ARHGEF38: variants seen among roughly 807,000 people sequenced by gnomAD.
ARHGEF38 encodes the protein Rho guanine nucleotide exchange factor (GEF) 38.
ARHGEF38 carries 79 observed loss-of-function variants against 79.9 expected under a neutral mutation model. That is an observed-to-expected ratio of 0.99 (90% CI 0.82 to 1.19). The LOEUF (loss-of-function observed/expected upper bound fraction) is 1.19. ARHGEF38 is among the 50% of genes most tolerant of loss of function. ARHGEF38 has a pLI of 0.00. For synonymous variants in ARHGEF38, 366 were observed against 328.3 expected (o/e 1.11, Z -1.24); for missense variants, 962 against 907.2 (o/e 1.06, Z -0.78).
chr4:105,653,512 G>A (rs1006565575), intron 7 of ARHGEF38, among the ~76,000 whole-genome samples: 8 of 152,070 alleles, frequency 5.3e-5, no homozygotes, highest in East Asian at 3.9e-4. Flanking sequence ...TAGTAGATAC[G>A]GGGTTTCACC....
intron 1 of ARHGEF38, among the ~76,000 whole-genome samples, chr4:105,566,582 T>A (rs1725899641): frequency 6.6e-6 from 1 of 152,262 alleles, no homozygotes; most frequent in Non-Finnish European, 1.5e-5. Context: ...TATACTCTCT[T>A]AGATATTTTG....
chr4:105,599,260 A>G (rs1026858269), intron 2 of ARHGEF38, among the ~76,000 whole-genome samples: 2 of 152,126 alleles, frequency 1.3e-5, no homozygotes, highest in African/African-American at 2.4e-5. Flanking sequence ...TTACATTTAT[A>G]AGCACCTCCT....
rs200502099 is a variant in ARHGEF38 at position 105,680,860 on chromosome 4, A to G, written c.*2923A>G. On this transcript the variant is annotated 3_prime_UTR_variant, in exon 14 of 14. Coordinates refer to ENST00000420470, the MANE Select transcript of ARHGEF38 (RefSeq NM_001242729.2). ...AGCACGTATTTTCCATGATGGGATA[A>G]ATGTTTTCATTTCAAGTGCCAATGT... is the stretch of plus-strand genomic sequence containing the variant. The G allele has an allele frequency of 9.2e-5, 14 of 152,290 alleles. 1 individual carries two copies. In the East Asian group the frequency reaches 2.7e-3, roughly 29 times the overall value. The allele number at this position is 152,290 out of a possible 1,614,324, so 9.4% of individuals were successfully genotyped here.
At position 105,679,417 on chromosome 4, in the gene ARHGEF38, C is replaced by G; in HGVS notation, c.*1480C>G. 3 of 1,577,604 alleles carry G rather than the reference C, an allele frequency of 1.9e-6. No homozygotes were observed. Among genetic ancestry groups the G allele is most frequent in the Non-Finnish European group, 2.6e-6 (3 of 1,149,332 alleles). ...GCATTACTATTCAGCTTTCTAAGTT[C>G]TTTCCAAGCACAGCTGACATCCTGT... On this transcript the variant is annotated 3_prime_UTR_variant, in exon 14 of 14. Coordinates refer to ENST00000420470, the MANE Select transcript of ARHGEF38 (RefSeq NM_001242729.2).
chr4:105,568,990 T>G (rs377066083), intron 1 of ARHGEF38, among the ~76,000 whole-genome samples: 2 of 152,326 alleles, frequency 1.3e-5, no homozygotes, highest in African/African-American at 4.8e-5. Context: ...ATCAGTAAGA[T>G]TTCAATACAA....
In ARHGEF38 at chr4:105,679,213, C is replaced by A; in HGVS notation, c.*1276C>A. 1.5e-6 allele frequency: 1 copy of A among 649,162 alleles called. No individual in the cohort carries two copies. The highest frequency in any genetic ancestry group is 1.9e-5 in the South Asian group (1 of 53,546). The allele number at this position is 649,162 out of a possible 1,614,324, so 40.2% of individuals were successfully genotyped here. ...CTGGCCTGACCAGCCACTCCTCTGT[C>A]TGGAATTAAAAGATGTTTCCATCAT... On this transcript the variant is annotated 3_prime_UTR_variant, in exon 14 of 14. Coordinates refer to ENST00000420470, the MANE Select transcript of ARHGEF38 (RefSeq NM_001242729.2).
rs573657284 is a variant in ARHGEF38 at position 105,560,200 on chromosome 4, C to T, written c.196+7239C>T. On this transcript the variant is annotated intron_variant, in intron 1 of 13. Transcript: ENST00000420470. ...TTTCTTTTGACTTATAGTGGCATGT[C>T]CCTGCCAGACTGTCACTGTTTAATA... is the stretch of plus-strand genomic sequence containing the variant. Among the ~76,000 whole-genome samples the T allele has an allele frequency of 5.9e-5, 9 of 152,252 alleles. 1 individual carries two copies. The South Asian group carries it at 1.9e-3, about 32-fold the overall frequency.
At chr4:105,628,015 T>G (rs1729022065) in intron 3 of ARHGEF38, among the ~76,000 whole-genome samples, 1 of 143,766 alleles carries the variant, frequency 7.0e-6, no homozygotes, top group Non-Finnish European at 1.5e-5. Flanking sequence ...CAACAGAATT[T>G]TACTTGGAAA....
At chr4:105,658,907 G>A (rs1730446433) in intron 9 of ARHGEF38, 147 bp from the exon 10 acceptor site, 2 of 686,202 alleles carry the variant, frequency 2.9e-6, no homozygotes, top group Admixed American at 3.0e-5. Context: ...GACACAAAAT[G>A]ATCAGATCCT....
At chr4:105,645,690 G>A (rs546846651) in intron 6 of ARHGEF38, among the ~76,000 whole-genome samples, 109 of 152,330 alleles carry the variant, frequency 7.2e-4, no homozygotes, top group African/African-American at 2.4e-3. Flanking sequence ...TAGTCCTCCT[G>A]TCACTGGAGA....
At chr4:105,645,745 G>A (rs1729812427) in intron 6 of ARHGEF38, among the ~76,000 whole-genome samples, 1 of 152,138 alleles carries the variant, frequency 6.6e-6, no homozygotes, top group Non-Finnish European at 1.5e-5. Context: ...AATAGCAGTG[G>A]GAAGCAAATG....
chr4:105,574,556 AAAAAAAAAAAAG>A (rs1726393204), intron 1 of ARHGEF38, among the ~76,000 whole-genome samples: 1 of 130,054 alleles, frequency 7.7e-6, no homozygotes, highest in Non-Finnish European at 1.6e-5. Flanking sequence ...TCTCAAAAAA[AAAAAAAAAAAAG>A]AAGTGGCAAG....
chr4:105,587,201 G>A (rs559266834), intron 1 of ARHGEF38, among the ~76,000 whole-genome samples: 60 of 152,216 alleles, frequency 3.9e-4, no homozygotes, highest in South Asian at 1.7e-3. Flanking sequence ...CCAGTGCTTC[G>A]GGAAGCTCAG....
At position 105,581,720 on chromosome 4, in the gene ARHGEF38, C is replaced by T. The variant is rs545237850; in HGVS notation, c.197-7528C>T. ...TCTTGCTTATAATTTCAAACCATTA[C>T]TTGTTTTTTAAACCTATTAAGTACC... On this transcript the variant is annotated intron_variant, in intron 1 of 13. Coordinates refer to ENST00000420470, the MANE Select transcript of ARHGEF38 (RefSeq NM_001242729.2). Among the ~76,000 whole-genome samples the T allele has an allele frequency of 4.1e-4, 62 of 152,220 alleles. 2 individuals are homozygous for T. The South Asian group carries it at 0.011, about 28-fold the overall frequency.
intron 3 of ARHGEF38, among the ~76,000 whole-genome samples, chr4:105,618,641 A>C (rs1272794243): frequency 1.3e-5 from 2 of 152,170 alleles, no homozygotes; most frequent in African/African-American, 4.8e-5. Context: ...AAAAAGAAGA[A>C]AATAGAAAAT....
chr4:105,593,852 G>C (rs2110465128), intron 2 of ARHGEF38, among the ~76,000 whole-genome samples: 1 of 152,130 alleles, frequency 6.6e-6, no homozygotes, highest in East Asian at 1.9e-4. Context: ...ACCATGCCAG[G>C]TAAAACTTTT....
intron 7 of ARHGEF38, among the ~76,000 whole-genome samples, chr4:105,650,840 G>A (rs1047080854): frequency 2.6e-5 from 4 of 152,184 alleles, no homozygotes; most frequent in Non-Finnish European, 5.9e-5. Context: ...TCTTCTCAAC[G>A]TGGAACTATA....
rs140744012 is a variant in ARHGEF38, at chr4:105,558,215, C to T, written c.196+5254C>T. On this transcript the variant is annotated intron_variant, in intron 1 of 13. Coordinates refer to ENST00000420470, the MANE Select transcript of ARHGEF38 (RefSeq NM_001242729.2). ...AAATAATAAATTAGACTTGGTAAGA[C>T]TATGAGGGCATTTAATTTAAAATGT... Among the ~76,000 whole-genome samples, 445 of 152,204 alleles carry T rather than the reference C, an allele frequency of 2.9e-3. 2 individuals carry two copies. The highest frequency in any genetic ancestry group is 0.01 in the African/African-American group (427 of 41,516).
intron 13 of ARHGEF38, among the ~76,000 whole-genome samples, chr4:105,674,109 T>C (rs945276352): frequency 1.3e-5 from 2 of 152,004 alleles, no homozygotes; most frequent in African/African-American, 4.8e-5. Context: ...AAAAATCAAA[T>C]GCACAAATAT....
Sources: gnomAD v4.1 joint callset for allele counts (sites outside exome capture counted in the v4.1 genomes callset) on GRCh38, gnomAD v4.1.1 for gene constraint, MANE v1.5 for transcripts, NCBI Gene and HGNC (gene_info 2026-07-23, HGNC 2026-07-21) for gene names.